The following EXOC6 variants were observed in gnomAD, a reference collection of about 807,000 sequenced individuals.
EXOC6 encodes the protein SEC15-like 1.
A neutral mutation model predicts 112.5 loss-of-function variants in EXOC6; 60 were observed. The observed-to-expected ratio is 0.53, with a 90% CI of 0.43 to 0.66. The LOEUF is 0.66. EXOC6 is among the 30% of genes least tolerant of loss of function. The pLI is 0.00. For missense variants in EXOC6, 855 were observed against 957.1 expected (o/e 0.89, Z 1.41); for synonymous variants, 295 against 308.0 (o/e 0.96, Z 0.44).
Position 92,909,495 on chromosome 10 carries a change from G to A in EXOC6, c.527G>A (p.Arg176Gln), listed in dbSNP as rs751941114. Reference sequence around the variant, plus strand: ...TACTTTCCCTGGGTTAGTCAATACCGGTTTTGTCAGCTCATGATAGAAAAT... The same window carrying A: ...TACTTTCCCTGGGTTAGTCAATACCAGTTTTGTCAGCTCATGATAGAAAAT... ...NVYFPWVSQYRFCQLMIENLP... is the reference protein window; with the variant it reads ...NVYFPWVSQYQFCQLMIENLP... The change falls in exon 6 of 22, where the codon CGG (arginine) becomes CAG (glutamine). Residue 176 changes from arginine (R) to glutamine (Q), a missense_variant. Physicochemically the swap from Arg to Gln is conservative, Grantham distance 43 (BLOSUM62 1). Around this residue, in one of 2 missense-constraint regions of EXOC6, gnomAD observed 405 missense variants for 393.6 expected, o/e 1.03. Coordinates refer to ENST00000260762, the MANE Select transcript of EXOC6 (RefSeq NM_019053.6). 1.7e-5 allele frequency: 28 copies of A among 1,613,266 alleles called. No individual in the cohort carries two copies. The highest frequency in any genetic ancestry group is 1.6e-4 in the Middle Eastern group (1 of 6,080).
chr10:92,885,331 T>C (rs1849158277), intron 1 of EXOC6, among the ~76,000 whole-genome samples: 1 of 152,130 alleles, frequency 6.6e-6, no homozygotes, highest in Admixed American at 6.6e-5. Flanking sequence ...AAATCTTTAG[T>C]GTGGCATAAG....
chr10:92,965,459 T>C (rs1842007710), intron 17 of EXOC6, among the ~76,000 whole-genome samples: 1 of 152,182 alleles, frequency 6.6e-6, no homozygotes, highest in African/African-American at 2.4e-5. Flanking sequence ...GTTTATAAAC[T>C]GAATCCTTAC....
chr10:93,034,689 A>G (rs1845430176), intron 20 of EXOC6, among the ~76,000 whole-genome samples: 1 of 152,138 alleles, frequency 6.6e-6, no homozygotes, highest in Non-Finnish European at 1.5e-5. Context: ...CACAACATAC[A>G]ATTCTTTTGC....
chr10:93,008,797 T>C (rs1302085446), intron 19 of EXOC6, among the ~76,000 whole-genome samples: 1 of 152,228 alleles, frequency 6.6e-6, no homozygotes, highest in African/African-American at 2.4e-5. Flanking sequence ...GAAGAGCTCA[T>C]GATTTAGTTT....
chr10:92,857,666 A>G (rs1174885662), intron 1 of EXOC6, among the ~76,000 whole-genome samples: 1 of 152,198 alleles, frequency 6.6e-6, no homozygotes, highest in East Asian at 1.9e-4. Flanking sequence ...GCATGCCACC[A>G]ATACAATTAT....
At chr10:92,989,402 T>C (rs1843140711) in intron 18 of EXOC6, among the ~76,000 whole-genome samples, 1 of 152,236 alleles carries the variant, frequency 6.6e-6, no homozygotes, top group African/African-American at 2.4e-5. Flanking sequence ...TATGAGAGTT[T>C]AGTAAAGATG....
In EXOC6 at chr10:93,013,231, CA is replaced by C. The variant is rs1418723059; in HGVS notation, c.2096-957del. ...TAGTAGTATTAAAAATTTTAAACCA[CA>C]AAAAATTATTGAAGGAATCTGTGGA... is the stretch of plus-strand genomic sequence containing the variant. On this transcript the variant is annotated intron_variant, in intron 19 of 21. Coordinates refer to ENST00000260762, the MANE Select transcript of EXOC6 (RefSeq NM_019053.6). 4.6e-5 allele frequency among the ~76,000 whole-genome samples: 7 copies of C among 151,786 alleles called. No homozygotes were observed. The East Asian group carries it at 1.4e-3, about 29-fold the overall frequency.
intron 13 of EXOC6, among the ~76,000 whole-genome samples, chr10:92,944,930 G>A (rs1211107944): frequency 3.9e-5 from 6 of 151,934 alleles, no homozygotes; most frequent in African/African-American, 1.2e-4. Context: ...GCACCACCAC[G>A]TCCGTCTAAT....
Position 92,915,880 on chromosome 10 carries a change from T to A in EXOC6, c.786T>A (p.His262Gln). ...AAAGGAATGAAACTGTATTGAAACA[T>A]TCACTTGAAGAAGAGGATGAGAATG... ...PEERNETVLK[H>Q]SLEEEDENEE... is the part of the protein sequence containing the mutation. Residue 262 changes from histidine to glutamine, a missense_variant, in exon 7 of 22, where the codon CAT (histidine) becomes CAA (glutamine). By Grantham distance (24) the His-to-Gln change is conservative. Around this residue, in one of 2 missense-constraint regions of EXOC6, gnomAD observed 405 missense variants for 393.6 expected, o/e 1.03. Coordinates refer to ENST00000260762, the MANE Select transcript of EXOC6 (RefSeq NM_019053.6). 6.5e-7 allele frequency: 1 copy of A among 1,547,082 alleles called. No homozygotes were observed. The highest frequency in any genetic ancestry group is 8.6e-7 in the Non-Finnish European group (1 of 1,157,352).
chr10:92,952,203 T>C (rs1443784062), intron 14 of EXOC6, 70 bp from the exon 15 acceptor site: 3 of 909,380 alleles, frequency 3.3e-6, no homozygotes, highest in Non-Finnish European at 5.2e-6. Context: ...AATTTAATTT[T>C]ACATTTTTTA....
chr10:92,974,714 C>T (rs561452616), intron 18 of EXOC6, among the ~76,000 whole-genome samples: 3 of 152,190 alleles, frequency 2.0e-5, no homozygotes, highest in Admixed American at 1.3e-4. Context: ...TGCAGGCGCA[C>T]GCCACCACGC....
At chr10:92,921,208 A>G (rs1472680848) in intron 8 of EXOC6, among the ~76,000 whole-genome samples, 1 of 118,618 alleles carries the variant, frequency 8.4e-6, no homozygotes, top group African/African-American at 3.2e-5. Flanking sequence ...TTAAATAGAT[A>G]TTTTCTTATG....
At chr10:93,041,161 G>A (rs963197245) in intron 20 of EXOC6, among the ~76,000 whole-genome samples, 38 of 152,000 alleles carry the variant, frequency 2.5e-4, no homozygotes, top group African/African-American at 7.7e-4. Flanking sequence ...CAATCACCAC[G>A]TCCTAGGGAT....
chr10:93,027,972 C>T (rs1245706147), intron 20 of EXOC6, among the ~76,000 whole-genome samples: 1 of 152,108 alleles, frequency 6.6e-6, no homozygotes, highest in African/African-American at 2.4e-5. Flanking sequence ...AACTGAGAGC[C>T]TTCTGGAAAG....
chr10:92,851,387 T>TTTA (rs1847324173), intron 1 of EXOC6, among the ~76,000 whole-genome samples: 1 of 152,190 alleles, frequency 6.6e-6, no homozygotes, highest in African/African-American at 2.4e-5. Context: ...GGCTCACGCC[T>TTTA]GTAATCCTAG....
chr10:92,895,144 A>G, intron 4 of EXOC6, 124 bp downstream of exon 4: 5 of 663,184 alleles, frequency 7.5e-6, no homozygotes, highest in Middle Eastern at 8.2e-4. Context: ...AACAAAGACC[A>G]TGCTTATCTT....
intron 1 of EXOC6, among the ~76,000 whole-genome samples, chr10:92,858,083 T>C (rs955946519): frequency 1.4e-4 from 20 of 147,596 alleles, no homozygotes; most frequent in African/African-American, 5.0e-4. Context: ...GCTTCATTAT[T>C]TCTGATGAGA....
intron 19 of EXOC6, among the ~76,000 whole-genome samples, chr10:93,000,526 A>G (rs1350661956): frequency 6.6e-6 from 1 of 152,182 alleles, no homozygotes; most frequent in East Asian, 1.9e-4. Flanking sequence ...GCCTGGGGCC[A>G]TTTGCAAGAG....
chr10:93,014,903 T>C (rs900273691), intron 20 of EXOC6, among the ~76,000 whole-genome samples: 4 of 151,916 alleles, frequency 2.6e-5, no homozygotes, highest in Non-Finnish European at 5.9e-5. Context: ...TTTCCACCTC[T>C]TTATTTTTTT....
Sources: allele counts gnomAD v4.1 joint callset (sites outside exome capture counted in the v4.1 genomes callset), GRCh38; gene constraint gnomAD v4.1.1; regional missense constraint gnomAD v4.1.1; transcripts MANE v1.5; gene names NCBI Gene and HGNC (gene_info 2026-07-23, HGNC 2026-07-21).